PAPSS1: variants seen among roughly 807,000 people sequenced by gnomAD.
PAPSS1 encodes the protein bifunctional 3'-phosphoadenosine 5'-phosphosulfate synthase 1.
PAPSS1 carries 50 observed loss-of-function variants against 72.0 expected under a neutral mutation model. The ratio of observed to expected loss-of-function variants is 0.69; its 90% CI spans 0.55 to 0.88. The LOEUF is 0.88. Among genes scored for constraint, PAPSS1 ranks in the 40% least tolerant of loss-of-function variants. PAPSS1 has a pLI of 0.00. For missense variants in PAPSS1, 657 were observed against 782.2 expected, an observed-to-expected ratio of 0.84 and a Z score of 1.91; for synonymous variants, 261 against 263.6, an observed-to-expected ratio of 0.99 and a Z score of 0.09.
intron 10 of PAPSS1, among the ~76,000 whole-genome samples, chr4:107,643,715 A>G (rs780460389): frequency 6.6e-6 from 1 of 152,230 alleles, no homozygotes; most frequent in Non-Finnish European, 1.5e-5. Context: ...CTTCTGGGTG[A>G]TGATAAAAAA....
chr4:107,645,450 G>C (rs547409451), intron 9 of PAPSS1, among the ~76,000 whole-genome samples: 4 of 152,156 alleles, frequency 2.6e-5, no homozygotes, highest in African/African-American at 9.7e-5. Context: ...TTACCCACCA[G>C]ATCAATCCCT....
chr4:107,673,592 T>A (rs11097960), intron 5 of PAPSS1, among the ~76,000 whole-genome samples: 1 of 151,888 alleles, frequency 6.6e-6, no homozygotes, highest in African/African-American at 2.4e-5. Flanking sequence ...CTGATTGGTG[T>A]AGCTGAAAGT....
At chr4:107,650,733 C>A (rs1726816772) in intron 9 of PAPSS1, among the ~76,000 whole-genome samples, 1 of 152,046 alleles carries the variant, frequency 6.6e-6, no homozygotes, top group Non-Finnish European at 1.5e-5. Context: ...AGATAAATGA[C>A]TCCATGGTTG....
At chr4:107,681,215 T>G (rs1722583422) in intron 5 of PAPSS1, among the ~76,000 whole-genome samples, 1 of 152,012 alleles carries the variant, frequency 6.6e-6, no homozygotes, top group Non-Finnish European at 1.5e-5. Context: ...TAGGACAGAA[T>G]GAGGAAAGAT....
chr4:107,692,825 A>T (rs1189866038), intron 3 of PAPSS1, among the ~76,000 whole-genome samples: 1 of 152,032 alleles, frequency 6.6e-6, no homozygotes, highest in East Asian at 1.9e-4. Context: ...CTAAAAAAGG[A>T]ATGATATCAT....
At chr4:107,703,103 G>A (rs1465279944) in intron 1 of PAPSS1, among the ~76,000 whole-genome samples, 1 of 152,118 alleles carries the variant, frequency 6.6e-6, no homozygotes, top group Admixed American at 6.5e-5. Flanking sequence ...GAGAAGTTGA[G>A]CCGATGATTA....
intron 11 of PAPSS1, among the ~76,000 whole-genome samples, chr4:107,621,757 A>G (rs1383441897): frequency 2.0e-5 from 3 of 151,194 alleles, no homozygotes; most frequent in African/African-American, 7.3e-5. Flanking sequence ...AGTAGCTGGG[A>G]CTACAGGTGC....
At chr4:107,710,904 G>T (rs1723475015) in intron 1 of PAPSS1, among the ~76,000 whole-genome samples, 1 of 152,248 alleles carries the variant, frequency 6.6e-6, no homozygotes, top group Non-Finnish European at 1.5e-5. Flanking sequence ...GCCAAATGAT[G>T]AACCTTCTCA....
At chr4:107,654,440 C>A (rs1391572410) in intron 8 of PAPSS1, among the ~76,000 whole-genome samples, 1 of 152,170 alleles carries the variant, frequency 6.6e-6, no homozygotes, top group Admixed American at 6.5e-5. Context: ...GTGTCCCTGG[C>A]CCTGCATTCC....
intron 10 of PAPSS1, 130 bp from the exon 11 acceptor site, chr4:107,631,990 T>C (rs1726236576): frequency 7.6e-6 from 5 of 661,914 alleles, no homozygotes; most frequent in Non-Finnish European, 1.2e-5. Flanking sequence ...AATTTAGATG[T>C]ATCATCCTGG....
At chr4:107,694,654 G>C (rs1236343721) in intron 2 of PAPSS1, among the ~76,000 whole-genome samples, 1 of 152,050 alleles carries the variant, frequency 6.6e-6, no homozygotes, top group Non-Finnish European at 1.5e-5. Flanking sequence ...ATGTTACAAA[G>C]GTACCTCCAT....
chr4:107,660,340 A>C (rs1398994272), intron 5 of PAPSS1, among the ~76,000 whole-genome samples: 1 of 152,192 alleles, frequency 6.6e-6, no homozygotes, highest in African/African-American at 2.4e-5. Flanking sequence ...ACTACAAATG[A>C]GAGGTGGCCT....
intron 1 of PAPSS1, chr4:107,719,888 T>G (rs1160621759): frequency 4.4e-6 from 6 of 1,349,758 alleles, no homozygotes; most frequent in Non-Finnish European, 5.7e-6. Flanking sequence ...CCACGAACGG[T>G]GGCTCGGACC....
At chr4:107,621,721 C>T (rs562448643) in intron 11 of PAPSS1, among the ~76,000 whole-genome samples, 17 of 145,012 alleles carry the variant, frequency 1.2e-4, no homozygotes, top group Admixed American at 2.1e-4. Flanking sequence ...CCCAGGTTCA[C>T]GCCATTCTCC....
chr4:107,623,095 C>T (rs544800543), intron 11 of PAPSS1, among the ~76,000 whole-genome samples: 68 of 152,332 alleles, frequency 4.5e-4, no homozygotes, highest in African/African-American at 1.5e-3. Flanking sequence ...TGCCTACACA[C>T]TGACCTCCCT....
intron 11 of PAPSS1, among the ~76,000 whole-genome samples, chr4:107,626,901 GTTATTAC>G (rs1329990252): frequency 6.6e-6 from 1 of 152,128 alleles, no homozygotes; most frequent in Non-Finnish European, 1.5e-5. Context: ...AGCTTCCCCA[GTTATTAC>G]TTATTAAGAT....
At chr4:107,712,286 A>G (rs915956152) in intron 1 of PAPSS1, among the ~76,000 whole-genome samples, 1 of 152,178 alleles carries the variant, frequency 6.6e-6, no homozygotes, top group Non-Finnish European at 1.5e-5. Context: ...CACTCAGGAC[A>G]CAATAAAAAC....
chr4:107,653,734 T>C (rs1028103963), intron 8 of PAPSS1, 108 bp from the exon 9 acceptor site: 3 of 771,090 alleles, frequency 3.9e-6, no homozygotes, highest in Non-Finnish European at 3.9e-6. Context: ...TCATCTTAAA[T>C]GAGGTAAATC....
chr4:107,654,643 CA>C, intron 8 of PAPSS1, 51 bp downstream of exon 8: 1 of 1,441,298 alleles, frequency 6.9e-7, no homozygotes, highest in African/African-American at 1.4e-5. Flanking sequence ...CACATTTCAG[CA>C]CAAACATCAT....
Sources: allele counts gnomAD v4.1 joint callset (sites outside exome capture counted in the v4.1 genomes callset), GRCh38; gene constraint gnomAD v4.1.1; transcripts MANE v1.5; gene names NCBI Gene and HGNC (gene_info 2026-07-23, HGNC 2026-07-21).